The following PIKFYVE variants were observed in gnomAD, a reference collection of about 807,000 sequenced individuals.
PIKFYVE encodes the protein phosphoinositide kinase, FYVE-type zinc finger containing, also known as 1-phosphatidylinositol 3-phosphate 5-kinase.
PIKFYVE carries 122 observed loss-of-function variants against 257.9 expected under a neutral mutation model. The observed-to-expected ratio is 0.47, with a 90% confidence interval of 0.41 to 0.55. The LOEUF (loss-of-function observed/expected upper bound fraction) is 0.55, where lower values mean the gene tolerates loss of function less well. Ranked by LOEUF, PIKFYVE falls within the 20% of genes least tolerant of loss-of-function variation. The pLI is 0.00. For missense variants in PIKFYVE, 2,160 were observed against 2,536.6 expected (o/e 0.85, Z 3.19); for synonymous variants, 892 against 868.9 (o/e 1.03, Z -0.47).
chr2:208,321,173 C>G (rs536339748), intron 17 of PIKFYVE, among the ~76,000 whole-genome samples: 1 of 152,246 alleles, frequency 6.6e-6, no homozygotes, highest in South Asian at 2.1e-4. Flanking sequence ...CCTTTTCTCC[C>G]ATAAATACTG....
chr2:208,313,167 T>C (rs907030305), intron 13 of PIKFYVE, among the ~76,000 whole-genome samples: 3 of 152,238 alleles, frequency 2.0e-5, no homozygotes, highest in African/African-American at 7.2e-5. Flanking sequence ...GGTTAGAGAA[T>C]TTTTGTAAGC....
At chr2:208,315,489 A>C in intron 15 of PIKFYVE, 116 bp downstream of exon 15, 1 of 1,241,134 alleles carries the variant, frequency 8.1e-7, no homozygotes, top group Admixed American at 2.2e-5. Context: ...CTAGGTGAGG[A>C]GTAGGAGGTT....
chr2:208,326,305 A>G lies in PIKFYVE; in HGVS notation c.3494A>G (p.Lys1165Arg), dbSNP rs756479442. ...GCCAGAGGAGGAAGAATTCAGCCCA[A>G]AAATTCAGACCCTTTTGCTCATTCA... ...YRARGGRIQP[K>R]NSDPFAHSKD... Residue 1165 changes from lysine (K) to arginine (R), a missense_variant, in exon 20 of 42, where the codon AAA becomes AGA. Physicochemically the swap from Lys to Arg is conservative, Grantham distance 26. This residue lies in a region of PIKFYVE where 522 missense variants were observed against 514.6 expected (regional missense o/e 1.01). Coordinates refer to ENST00000264380, the MANE Select transcript of PIKFYVE (RefSeq NM_015040.4). The G allele has an allele frequency of 1.2e-6, 2 of 1,604,966 alleles. No individual in the cohort carries two copies. The highest frequency in any genetic ancestry group is 2.2e-5 in the South Asian group (2 of 89,772).
At chr2:208,347,708 G>A (rs1460011932) in intron 34 of PIKFYVE, 151 bp from the exon 35 acceptor site, 2 of 709,892 alleles carry the variant, frequency 2.8e-6, no homozygotes, top group East Asian at 2.7e-5. Flanking sequence ...GTAACAACAT[G>A]AAGGACAATG....
At chr2:208,343,356 C>T (rs760447560) in intron 32 of PIKFYVE, among the ~76,000 whole-genome samples, 7 of 152,050 alleles carry the variant, frequency 4.6e-5, no homozygotes, top group African/African-American at 7.2e-5. Flanking sequence ...ACCCTACATA[C>T]GAGGTAAAAT....
In PIKFYVE at chr2:208,326,622, A is replaced by G. The variant is rs141413889; in HGVS notation, c.3618+193A>G. On this transcript the variant is annotated intron_variant, in intron 20 of 41. Coordinates refer to ENST00000264380, the MANE Select transcript of PIKFYVE (RefSeq NM_015040.4). ...TTTAATATGTATGAAGCAGAATTGT[A>G]ATGAAACTGGGTTTCAGGGTTTTAA... 3.3e-4 allele frequency among the ~76,000 whole-genome samples: 50 copies of G among 152,290 alleles called. No individual in the cohort carries two copies. The East Asian group carries it at 5.0e-3, about 15-fold the overall frequency.
intron 20 of PIKFYVE, among the ~76,000 whole-genome samples, chr2:208,327,510 C>A (rs1031682432): frequency 6.6e-6 from 1 of 152,074 alleles, no homozygotes; most frequent in African/African-American, 2.4e-5. Flanking sequence ...TGTTAAAAAG[C>A]AAATTATGTT....
chr2:208,314,575 A>C, intron 14 of PIKFYVE, 152 bp downstream of exon 14: 2 of 1,009,134 alleles, frequency 2.0e-6, no homozygotes, highest in Non-Finnish European at 2.8e-6. Flanking sequence ...AATACAGTCT[A>C]TTTTGACTTG....
At chr2:208,348,114 C>A (rs571007598) in intron 35 of PIKFYVE, 91 bp downstream of exon 35, 2 of 1,493,912 alleles carry the variant, frequency 1.3e-6, no homozygotes, top group South Asian at 1.2e-5. Flanking sequence ...ATAGATAATT[C>A]TTAGTGCTGA....
At position 208,304,829 on chromosome 2, in the gene PIKFYVE, C is replaced by G. The variant is rs763642433; in HGVS notation, c.1469-17C>G. On this transcript the variant is annotated splice_polypyrimidine_tract_variant and intron_variant, in intron 11 of 41. Transcript: ENST00000264380. ...CCTCCTCTCCCTATATTTCTTTCCC[C>G]TTCCCAACACTAAAAGATTCTGCCA... is the stretch of plus-strand genomic sequence containing the variant. 1 of 1,611,434 alleles carries G rather than the reference C, an allele frequency of 6.2e-7. No individual in the cohort carries two copies. The highest frequency in any genetic ancestry group is 1.1e-5 in the South Asian group (1 of 91,000).
At chr2:208,306,693 A>G (rs1041853673) in intron 12 of PIKFYVE, among the ~76,000 whole-genome samples, 12 of 152,106 alleles carry the variant, frequency 7.9e-5, no homozygotes, top group African/African-American at 2.9e-4. Flanking sequence ...GCAACCCCAG[A>G]TTGTATCTCC....
At position 208,350,766 on chromosome 2, in the gene PIKFYVE, T is replaced by C; in HGVS notation, c.5435-5T>C. On this transcript the variant is annotated splice_polypyrimidine_tract_variant and splice_region_variant and intron_variant, in intron 36 of 41. Coordinates refer to ENST00000264380, the MANE Select transcript of PIKFYVE (RefSeq NM_015040.4). Reference sequence around the variant, plus strand: ...GCTTTTTAAAAAAACTTCTGTTGTTTATAGAATTTTCAGATGCTAATGCCA... The same window carrying C: ...GCTTTTTAAAAAAACTTCTGTTGTTCATAGAATTTTCAGATGCTAATGCCA... The C allele has an allele frequency of 6.2e-7, 1 of 1,613,980 alleles. No homozygotes were observed. The highest frequency in any genetic ancestry group is 1.1e-5 in the South Asian group (1 of 91,076).
chr2:208,338,414 T>A (rs559430253), intron 28 of PIKFYVE, 94 bp from the exon 29 acceptor site: 404 of 1,164,224 alleles, frequency 3.5e-4, no homozygotes, highest in Non-Finnish European at 4.4e-4. Flanking sequence ...AAATGGGTCC[T>A]GAGACCAAAA....
chr2:208,344,871 T>C (rs1699085219), intron 32 of PIKFYVE, among the ~76,000 whole-genome samples: 1 of 152,136 alleles, frequency 6.6e-6, no homozygotes, highest in Admixed American at 6.5e-5. Flanking sequence ...AAATCTTTGT[T>C]GAGGGTATTG....
At chr2:208,338,467 T>C in intron 28 of PIKFYVE, 41 bp from the exon 29 acceptor site, 1 of 1,595,440 alleles carries the variant, frequency 6.3e-7, no homozygotes, top group Non-Finnish European at 8.6e-7. Flanking sequence ...GAATGTGATT[T>C]TCATGTTTTC....
chr2:208,298,837 G>T, intron 8 of PIKFYVE, 58 bp downstream of exon 8: 2 of 1,598,208 alleles, frequency 1.3e-6, no homozygotes, highest in South Asian at 2.2e-5. Flanking sequence ...ATGTTCATGT[G>T]ACTGAGTCTT....
intron 28 of PIKFYVE, among the ~76,000 whole-genome samples, chr2:208,337,289 C>A (rs1316132152): frequency 6.6e-6 from 1 of 152,098 alleles, no homozygotes; most frequent in African/African-American, 2.4e-5. Flanking sequence ...TTTTTAAAAT[C>A]TCCGTGCTTA....
chr2:208,344,759 C>T (rs1699072721), intron 32 of PIKFYVE, among the ~76,000 whole-genome samples: 1 of 151,294 alleles, frequency 6.6e-6, no homozygotes, highest in African/African-American at 2.4e-5. Flanking sequence ...AAAGCACTCT[C>T]AAGTTCTTTT....
Position 208,326,529 on chromosome 2 carries a change from A to G in PIKFYVE, c.3618+100A>G, listed in dbSNP as rs1057047230. 2.4e-6 allele frequency: 3 copies of G among 1,265,918 alleles called. No individual in the cohort carries two copies. The African/African-American group carries it at 4.4e-5, about 19-fold the overall frequency. 78.4% of individuals were successfully genotyped at this position (1,265,918 alleles called of 1,614,324 possible). On this transcript the variant is annotated intron_variant, in intron 20 of 41. Coordinates refer to ENST00000264380, the MANE Select transcript of PIKFYVE (RefSeq NM_015040.4). ...AATCAGTTTGGCAGACTGCATGCAG[A>G]TTTGTGAAATATTTCTTCTCCTATG...
Sources: gnomAD v4.1 joint callset for allele counts (sites outside exome capture counted in the v4.1 genomes callset) on GRCh38, gnomAD v4.1.1 for gene constraint, gnomAD v4.1.1 regional missense constraint, MANE v1.5 for transcripts, NCBI Gene and HGNC (gene_info 2026-07-23, HGNC 2026-07-21) for gene names.